CRYBG3: variants seen among roughly 807,000 people sequenced by gnomAD.
CRYBG3 encodes very large A-kinase anchor protein.
A neutral mutation model predicts 244.2 loss-of-function variants in CRYBG3; 127 were observed. The ratio of observed to expected loss-of-function variants is 0.52; its 90% CI spans 0.45 to 0.60. CRYBG3 has a LOEUF of 0.60. Among genes scored for constraint, CRYBG3 ranks in the 20% least tolerant of loss-of-function variants. CRYBG3 has a pLI of 0.00. For missense variants in CRYBG3, 3,325 were observed against 3,442.5 expected (o/e 0.97, Z 0.85); for synonymous variants, 1,132 against 1,195.8 (o/e 0.95, Z 1.10).
In CRYBG3 at chr3:97,837,291, G is replaced by A. The variant is rs146499693; in HGVS notation, c.150-5904G>A. Among the ~76,000 whole-genome samples, 12 of 152,154 alleles carry A rather than the reference G, an allele frequency of 7.9e-5. 1 individual carries two copies. Among genetic ancestry groups the A allele is most frequent in the African/African-American group, 2.9e-4 (12 of 41,528 alleles). On this transcript the variant is annotated intron_variant, in intron 1 of 21. Coordinates refer to ENST00000389622, the MANE Select transcript of CRYBG3 (RefSeq NM_153605.4). ...CTGGTTACTTTTAGGACTTCATCAC[G>A]GGAGTTGGGTCAGGTGGGCTCTGTG...
At chr3:97,855,525 G>A (rs1404682962) in intron 2 of CRYBG3, among the ~76,000 whole-genome samples, 1 of 152,060 alleles carries the variant, frequency 6.6e-6, no homozygotes, top group Non-Finnish European at 1.5e-5. Flanking sequence ...CTAGTTATTG[G>A]TCTGTTCAGG....
Position 97,848,622 on chromosome 3 carries a change from G to A in CRYBG3, c.216+5361G>A, listed in dbSNP as rs2038938071. Among the ~76,000 whole-genome samples, 5 of 152,102 alleles carry A rather than the reference G, an allele frequency of 3.3e-5. No individual in the cohort carries two copies. In the South Asian group the frequency reaches 1.0e-3, roughly 32 times the overall value. On this transcript the variant is annotated intron_variant, in intron 2 of 21. Transcript: ENST00000389622. ...AGCCTGTTTGTTTTCTAACAGACAGGTCTTGCTATGTCTGTCTGGCCTCAA... is the reference window on the plus strand; with the variant it reads ...AGCCTGTTTGTTTTCTAACAGACAGATCTTGCTATGTCTGTCTGGCCTCAA...
chr3:97,886,068 T>G (rs1473561358), intron 7 of CRYBG3, among the ~76,000 whole-genome samples: 2 of 152,182 alleles, frequency 1.3e-5, no homozygotes, highest in East Asian at 3.8e-4. Context: ...ATAATGCTTT[T>G]CTTCTTCAAA....
In CRYBG3 at chr3:97,873,967, G is replaced by A. The variant is rs1380159411; in HGVS notation, c.2773G>A (p.Glu925Lys). The A allele has an allele frequency of 6.5e-7, 1 of 1,534,942 alleles. No homozygotes were observed. Among genetic ancestry groups the A allele is most frequent in the Admixed American group, 2.0e-5 (1 of 50,750 alleles). Residue 925 changes from glutamate to lysine, a missense_variant, in exon 4 of 22, where the codon GAG becomes AAG. Around this residue, in one of 4 missense-constraint regions of CRYBG3, gnomAD observed 1,526 missense variants for 1,443.2 expected, o/e 1.06. Transcript: ENST00000389622. ...CAAATATGAAGATAAGCCAGAACCAGAGGTAGATGCCTTAGGCTCTCCTCC... is the reference window on the plus strand; with the variant it reads ...CAAATATGAAGATAAGCCAGAACCAAAGGTAGATGCCTTAGGCTCTCCTCC... ...ASKYEDKPEP[E>K]VDALGSPPAL...
intron 7 of CRYBG3, among the ~76,000 whole-genome samples, chr3:97,883,945 T>C (rs1235386003): frequency 2.0e-5 from 3 of 152,186 alleles, no homozygotes; most frequent in Non-Finnish European, 2.9e-5. Context: ...GTCAAGACTT[T>C]AATGTCCTTT....
rs371495199 is a variant in CRYBG3, at chr3:97,911,101, G to T, written c.8005-1066G>T. On this transcript the variant is annotated intron_variant, in intron 15 of 21. Transcript: ENST00000389622. Reference sequence around the variant, plus strand: ...TTTTCTCACCTCCCTGATTTTGACTGATCTTTGATAACAGATCAAGTAAGG... The same window carrying T: ...TTTTCTCACCTCCCTGATTTTGACTTATCTTTGATAACAGATCAAGTAAGG... Among the ~76,000 whole-genome samples, 10 of 152,284 alleles carry T rather than the reference G, an allele frequency of 6.6e-5. 1 individual carries two copies. Among genetic ancestry groups the T allele is most frequent in the African/African-American group, 2.4e-4 (10 of 41,548 alleles).
intron 17 of CRYBG3, among the ~76,000 whole-genome samples, chr3:97,919,197 G>A (rs1334740772): frequency 6.6e-6 from 1 of 152,078 alleles, no homozygotes; most frequent in African/African-American, 2.4e-5. Context: ...AGGTGGTTTG[G>A]TGGCTCTCAA....
intron 1 of CRYBG3, among the ~76,000 whole-genome samples, chr3:97,829,147 T>C (rs780477424): frequency 1.4e-4 from 22 of 152,050 alleles, no homozygotes; most frequent in Non-Finnish European, 3.2e-4. Context: ...AACAAGAGAA[T>C]GTATGATCCT....
In CRYBG3 at chr3:97,933,748, G is replaced by C. The variant is rs763386674; in HGVS notation, c.8296G>C (p.Glu2766Gln). ...LFALEHCEGR[E>Q]LHLEEAVNSV... The stretch of plus-strand genomic sequence containing the variant: ...TGCTCTGGAGCATTGTGAGGGAAGA[G>C]AGTTACATCTAGAAGAGGCTGTGAA... Residue 2766 changes from glutamate to glutamine, a missense_variant, in exon 18 of 22, where the codon GAG becomes CAG. By Grantham distance (29) the Glu-to-Gln change is conservative (BLOSUM62 2). This residue lies in a region of CRYBG3 where 714 missense variants were observed against 803.6 expected (regional missense o/e 0.89). Coordinates refer to ENST00000389622, the MANE Select transcript of CRYBG3 (RefSeq NM_153605.4). 1 of 1,612,944 alleles carries C rather than the reference G, an allele frequency of 6.2e-7. No homozygotes were observed. Among genetic ancestry groups the C allele is most frequent in the Non-Finnish European group, 8.5e-7 (1 of 1,179,220 alleles).
At chr3:97,923,110 T>C (rs2040000899) in intron 17 of CRYBG3, among the ~76,000 whole-genome samples, 4 of 152,232 alleles carry the variant, frequency 2.6e-5, no homozygotes, top group African/African-American at 9.6e-5. Flanking sequence ...ACACCACATG[T>C]TCTCACTCAT....
At chr3:97,867,609 G>A (rs2039250184) in intron 3 of CRYBG3, among the ~76,000 whole-genome samples, 1 of 152,104 alleles carries the variant, frequency 6.6e-6, no homozygotes, top group Non-Finnish European at 1.5e-5. Context: ...TTTTCAATAT[G>A]TATGCCTACT....
intron 18 of CRYBG3, 35 bp downstream of exon 18, chr3:97,933,868 T>C (rs1428204240): frequency 1.3e-6 from 2 of 1,598,670 alleles, no homozygotes; most frequent in South Asian, 2.2e-5. Flanking sequence ...CTGGTTCAGT[T>C]ACTGTTTTAA....
intron 3 of CRYBG3, among the ~76,000 whole-genome samples, chr3:97,868,001 T>C (rs1008158587): frequency 1.8e-4 from 28 of 152,192 alleles, no homozygotes; most frequent in African/African-American, 6.3e-4. Flanking sequence ...ATTTAATTTG[T>C]TGGGCACGGC....
At chr3:97,907,959 T>C (rs1235584466) in intron 15 of CRYBG3, among the ~76,000 whole-genome samples, 2 of 152,118 alleles carry the variant, frequency 1.3e-5, no homozygotes, top group African/African-American at 2.4e-5. Flanking sequence ...TTTGTTCCCG[T>C]TGGTTTCAAA....
chr3:97,899,100 G>A (rs1160383650), intron 13 of CRYBG3, 37 bp from the exon 14 acceptor site: 2 of 1,600,254 alleles, frequency 1.2e-6, no homozygotes, highest in Non-Finnish European at 1.7e-6. Flanking sequence ...TATATCACTT[G>A]TTTTTATTTT....
Position 97,907,754 on chromosome 3 carries a change from T to G in CRYBG3, c.8005-4413T>G, listed in dbSNP as rs540791483. ...TTTGTGTCTCTATTTCCTTCAGTTC[T>G]GCTGTGATTTTAGTTATTTCTTGCC... On this transcript the variant is annotated intron_variant, in intron 15 of 21. Transcript: ENST00000389622. Among the ~76,000 whole-genome samples, 28 of 152,198 alleles carry G rather than the reference T, an allele frequency of 1.8e-4. No individual in the cohort carries two copies. In the East Asian group the frequency reaches 5.4e-3, roughly 29 times the overall value.
rs544212194 is a variant in CRYBG3 at position 97,851,482 on chromosome 3, C to T, written c.216+8221C>T. The stretch of plus-strand genomic sequence containing the variant: ...ATATTAGGGATATACACTGGAAGAA[C>T]GTAAATGTAATTTCCGTCCTGAAAA... On this transcript the variant is annotated intron_variant, in intron 2 of 21. Transcript: ENST00000389622. 4.7e-4 allele frequency among the ~76,000 whole-genome samples: 71 copies of T among 152,058 alleles called. 1 individual carries two copies. Among genetic ancestry groups the T allele is most frequent in the Non-Finnish European group, 7.8e-4 (53 of 68,022 alleles).
At chr3:97,931,788 T>C (rs1316759026) in intron 17 of CRYBG3, among the ~76,000 whole-genome samples, 1 of 152,062 alleles carries the variant, frequency 6.6e-6, no homozygotes, top group Non-Finnish European at 1.5e-5. Context: ...GTGATATTAA[T>C]AGTCTTCCTG....
chr3:97,834,920 G>A (rs2038710801), intron 1 of CRYBG3, among the ~76,000 whole-genome samples: 1 of 152,020 alleles, frequency 6.6e-6, no homozygotes, highest in Non-Finnish European at 1.5e-5. Flanking sequence ...AAAATTATAA[G>A]AGGACGAAAA....
Sources: gnomAD v4.1 joint callset for allele counts (sites outside exome capture counted in the v4.1 genomes callset) on GRCh38, gnomAD v4.1.1 for gene constraint, gnomAD v4.1.1 regional missense constraint, MANE v1.5 for transcripts, NCBI Gene and HGNC (gene_info 2026-07-23, HGNC 2026-07-21) for gene names.